The following SPTLC2 variants were observed in gnomAD, a reference collection of about 807,000 sequenced individuals.
The protein encoded by SPTLC2 is serine palmitoyltransferase 2.
Under a neutral mutation model 62.0 loss-of-function variants are expected in SPTLC2, and 21 were observed. That is an observed-to-expected ratio of 0.34 (90% CI 0.24 to 0.49). The LOEUF is 0.49. SPTLC2 is among the 20% of genes least tolerant of loss of function. The pLI is 0.99. For synonymous variants in SPTLC2, 261 were observed against 261.8 expected (o/e 1.00, Z 0.03); for missense variants, 511 against 713.0 (o/e 0.72, Z 3.23).
At chr14:77,567,274 T>C (rs2079650681) in intron 5 of SPTLC2, among the ~76,000 whole-genome samples, 1 of 152,244 alleles carries the variant, frequency 6.6e-6, no homozygotes, top group East Asian at 1.9e-4. Context: ...TAAATCCTTA[T>C]GGTTGTATCT....
At chr14:77,606,035 G>T (rs148687408) in intron 1 of SPTLC2, among the ~76,000 whole-genome samples, 1 of 152,198 alleles carries the variant, frequency 6.6e-6, no homozygotes, top group African/African-American at 2.4e-5. Context: ...TCTAGAAATC[G>T]TCAAAAACTT....
At chr14:77,528,930 G>A (rs901682128) in intron 9 of SPTLC2, among the ~76,000 whole-genome samples, 2 of 152,002 alleles carry the variant, frequency 1.3e-5, no homozygotes, top group African/African-American at 4.8e-5. Context: ...CTGCCTCCCA[G>A]GTTCAAGAGA....
chr14:77,612,039 G>A (rs1366412096), intron 1 of SPTLC2, among the ~76,000 whole-genome samples: 4 of 151,968 alleles, frequency 2.6e-5, no homozygotes, highest in Admixed American at 6.6e-5. Flanking sequence ...CTTTTTTATC[G>A]GTCACAAATT....
chr14:77,591,764 C>T (rs1430340317), intron 2 of SPTLC2, among the ~76,000 whole-genome samples: 1 of 143,892 alleles, frequency 6.9e-6, no homozygotes, highest in East Asian at 2.0e-4. Context: ...TCTCTTGTTG[C>T]CCAGGCTGGA....
At chr14:77,555,885 C>T (rs2079580713) in intron 7 of SPTLC2, among the ~76,000 whole-genome samples, 2 of 152,072 alleles carry the variant, frequency 1.3e-5, no homozygotes, top group Non-Finnish European at 2.9e-5. Flanking sequence ...TCCCACAGTT[C>T]TGGGGTTACA....
Position 77,511,429 on chromosome 14 carries a change from G to C in SPTLC2, c.*855C>G, listed in dbSNP as rs1192677712. On this transcript the variant is annotated 3_prime_UTR_variant, in exon 12 of 12. Transcript: ENST00000216484. ...ACTGCCCCTGCCCCTCACCCACCAG[G>C]AGTGCACATCACTCTACGGAGCAGC... 6.6e-6 allele frequency: 1 copy of C among 152,296 alleles called. No homozygotes were observed. The highest frequency in any genetic ancestry group is 1.9e-4 in the East Asian group (1 of 5,200). The allele number at this position is 152,296 out of a possible 1,614,324, so 9.4% of individuals were successfully genotyped here. A position where few individuals can be genotyped will look rare whatever the true frequency, so the allele number is the denominator to read the frequency against.
chr14:77,534,216 A>ACACACG (rs1208421770), intron 9 of SPTLC2, among the ~76,000 whole-genome samples: 4,720 of 146,490 alleles, frequency 0.032, 155 homozygotes, highest in Non-Finnish European at 0.044. Context: ...ACACACACAC[A>ACACACG]CACAAATGCA....
chr14:77,515,375 T>C (rs191254098), intron 11 of SPTLC2, among the ~76,000 whole-genome samples: 183 of 152,308 alleles, frequency 1.2e-3, no homozygotes, highest in African/African-American at 4.2e-3. Context: ...TGTAGGTTGC[T>C]ATACTGCCAT....
At chr14:77,560,900 ACTAC>A (rs3080466) in intron 6 of SPTLC2, among the ~76,000 whole-genome samples, 135,417 of 150,788 alleles carry the variant, frequency 0.9, 61,109 homozygotes, top group East Asian at 0.99. Flanking sequence ...GGTTCGAAAA[ACTAC>A]CTACCTATCA....
At chr14:77,597,451 T>G in intron 1 of SPTLC2, 71 bp from the exon 2 acceptor site, 1 of 1,431,906 alleles carries the variant, frequency 7.0e-7, no homozygotes, top group Non-Finnish European at 9.8e-7. Context: ...ATCTAGGTCC[T>G]TAGAGATTTG....
At chr14:77,586,819 T>C (rs1292133494) in intron 2 of SPTLC2, among the ~76,000 whole-genome samples, 1 of 152,238 alleles carries the variant, frequency 6.6e-6, no homozygotes, top group Non-Finnish European at 1.5e-5. Context: ...TCAGCTTCAC[T>C]GGGCAATAGA....
chr14:77,584,770 A>G (rs539934471), intron 2 of SPTLC2, among the ~76,000 whole-genome samples: 2 of 152,152 alleles, frequency 1.3e-5, no homozygotes, highest in East Asian at 3.9e-4. Flanking sequence ...CAACACACAC[A>G]TAACAAACCC....
chr14:77,583,506 G>C (rs985409808), intron 2 of SPTLC2, among the ~76,000 whole-genome samples: 1 of 152,096 alleles, frequency 6.6e-6, no homozygotes, highest in African/African-American at 2.4e-5. Flanking sequence ...ATACGTTAAA[G>C]AACAAGACAG....
intron 1 of SPTLC2, among the ~76,000 whole-genome samples, chr14:77,612,997 A>G (rs1305866230): frequency 6.6e-6 from 1 of 152,204 alleles, no homozygotes; most frequent in African/African-American, 2.4e-5. Flanking sequence ...GAAAACCTAA[A>G]TCTCAAAACT....
intron 1 of SPTLC2, among the ~76,000 whole-genome samples, chr14:77,608,796 G>C (rs1012122988): frequency 6.6e-6 from 1 of 152,060 alleles, no homozygotes; most frequent in African/African-American, 2.4e-5. Context: ...GGTCACGCCT[G>C]TAATTCCAGC....
At chr14:77,614,201 G>A (rs1302574581) in intron 1 of SPTLC2, among the ~76,000 whole-genome samples, 2 of 152,194 alleles carry the variant, frequency 1.3e-5, no homozygotes, top group African/African-American at 4.8e-5. Flanking sequence ...TAGTTGGCAA[G>A]CTCTGAAGAA....
At chr14:77,603,309 GCAAT>G (rs1359191235) in intron 1 of SPTLC2, among the ~76,000 whole-genome samples, 1 of 152,182 alleles carries the variant, frequency 6.6e-6, no homozygotes, top group African/African-American at 2.4e-5. Flanking sequence ...TTATTCTTCA[GCAAT>G]CAAAGAACTG....
rs1387576606 is a variant in SPTLC2 at position 77,511,895 on chromosome 14, C to G, written c.*389G>C. On this transcript the variant is annotated 3_prime_UTR_variant, in exon 12 of 12. Transcript: ENST00000216484. ...GAGGGCCAGGTAAGTATCCAGGCTG[C>G]GGAGCCAGGGCCAGCAGTAGCTCTT... The G allele has an allele frequency of 3.5e-6, 1 of 287,414 alleles. No individual in the cohort carries two copies. The highest frequency in any genetic ancestry group is 6.8e-6 in the Non-Finnish European group (1 of 147,512). The allele number at this position is 287,414 out of a possible 1,614,324, so 17.8% of individuals were successfully genotyped here.
chr14:77,580,065 C>G (rs570825759), intron 2 of SPTLC2, among the ~76,000 whole-genome samples: 2 of 152,110 alleles, frequency 1.3e-5, no homozygotes, highest in Non-Finnish European at 2.9e-5. Context: ...CCACATAATT[C>G]CAATTTCAAC....
Sources: gnomAD v4.1 joint callset for allele counts (sites outside exome capture counted in the v4.1 genomes callset) on GRCh38, gnomAD v4.1.1 for gene constraint, MANE v1.5 for transcripts, NCBI Gene and HGNC (gene_info 2026-07-23, HGNC 2026-07-21) for gene names.